Variants in VCAN observed in about 807,000 individuals in gnomAD.
VCAN encodes versican core protein.
In VCAN, 44 loss-of-function variants were observed where a neutral mutation model predicts 245.5. The observed-to-expected ratio is 0.18, with a 90% CI of 0.14 to 0.23. The LOEUF is 0.23. Among genes scored for constraint, VCAN ranks in the 10% least tolerant of loss-of-function variants. The probability of loss-of-function intolerance (pLI) is 1.00; values close to 1 mark genes in which losing one functional copy is unlikely to be tolerated. For synonymous variants in VCAN, 1,413 were observed against 1,437.0 expected, an observed-to-expected ratio of 0.98 and a Z score of 0.38; for missense variants, 3,793 against 4,057.9, an observed-to-expected ratio of 0.93 and a Z score of 1.77.
At chr5:83,577,459 C>T (rs1231789654) in intron 13 of VCAN, among the ~76,000 whole-genome samples, 1 of 152,122 alleles carries the variant, frequency 6.6e-6, no homozygotes, top group Non-Finnish European at 1.5e-5. Context: ...AGGAGTTGCC[C>T]TCCCTTCTGA....
At chr5:83,490,011 A>C (rs887327667) in intron 2 of VCAN, 87 bp from the exon 3 acceptor site, 1 of 1,449,652 alleles carries the variant, frequency 6.9e-7, no homozygotes, top group Non-Finnish European at 9.6e-7. Context: ...CCAAACTATT[A>C]TAAAGGCTGC....
At chr5:83,496,270 C>T (rs1371774107) in intron 5 of VCAN, among the ~76,000 whole-genome samples, 2 of 152,204 alleles carry the variant, frequency 1.3e-5, no homozygotes, top group Non-Finnish European at 2.9e-5. Context: ...TAGACGTCCT[C>T]TCCCACTTCC....
In VCAN at chr5:83,541,129, T is replaced by C; in HGVS notation, c.8126T>C (p.Ile2709Thr). 6.2e-7 allele frequency: 1 copy of C among 1,614,084 alleles called. No homozygotes were observed. The highest frequency in any genetic ancestry group is 1.1e-5 in the South Asian group (1 of 91,088). Residue 2709 changes from isoleucine (I) to threonine (T), a missense_variant, in exon 8 of 15, where the codon ATA becomes ACA. By Grantham distance (89) the Ile-to-Thr change is moderately conservative. Around this residue, in one of 5 missense-constraint regions of VCAN, gnomAD observed 3,182 missense variants for 3,250.3 expected, o/e 0.98. Coordinates refer to ENST00000265077, the MANE Select transcript of VCAN (RefSeq NM_004385.5). ...ACAGTTATTCCAGAGATTGAAGGAATAAAAGCTGAAGCAAAAGCCCTGGAT... is the reference window on the plus strand; with the variant it reads ...ACAGTTATTCCAGAGATTGAAGGAACAAAAGCTGAAGCAAAAGCCCTGGAT... ...SATVIPEIEG[I>T]KAEAKALDDM...
At chr5:83,553,158 C>T (rs375780298) in intron 10 of VCAN, among the ~76,000 whole-genome samples, 53 of 152,254 alleles carry the variant, frequency 3.5e-4, no homozygotes, top group Middle Eastern at 3.4e-3. Context: ...CTTTGCAATC[C>T]AAAGATATAT....
At position 83,538,506 on chromosome 5, in the gene VCAN, C is replaced by G. The variant is rs763164160; in HGVS notation, c.5503C>G (p.Gln1835Glu). The G allele has an allele frequency of 1.2e-6, 2 of 1,613,966 alleles. No individual in the cohort carries two copies. Among genetic ancestry groups the G allele is most frequent in the Non-Finnish European group, 1.7e-6 (2 of 1,179,942 alleles). The change falls in exon 8 of 15, where the codon CAG becomes GAG. Residue 1835 changes from glutamine to glutamate, a missense_variant. Around this residue, in one of 5 missense-constraint regions of VCAN, gnomAD observed 3,182 missense variants for 3,250.3 expected, o/e 0.98. Transcript: ENST00000265077. Reference sequence around the variant, plus strand: ...TAGTCCTGCCTCTGTCTTTATGGAGCAGGGCTCTGGAGAAGCTGCTGCCGA... The same window carrying G: ...TAGTCCTGCCTCTGTCTTTATGGAGGAGGGCTCTGGAGAAGCTGCTGCCGA... Reference protein sequence around the residue: ...PRSPASVFMEQGSGEAAADPE... With the variant: ...PRSPASVFMEEGSGEAAADPE...
chr5:83,557,919 A>T (rs1353099443), intron 12 of VCAN, among the ~76,000 whole-genome samples: 2 of 152,162 alleles, frequency 1.3e-5, no homozygotes, highest in Non-Finnish European at 2.9e-5. Context: ...TTTATCAAAG[A>T]AATGACACAA....
Position 83,553,446 on chromosome 5 carries a change from A to G in VCAN, c.9576A>G (p.Ala3192=). Residue 3192 remains alanine (A), a synonymous_variant, in exon 11 of 15, where the codon GCA becomes GCG. Transcript: ENST00000265077. ...TTGCCCATCGACGCACATGGGATGC[A>G]GCTGAACGGGAATGCCGTCTGCAGG... ...KYFAHRRTWD[A]AERECRLQGA... 1 of 1,614,138 alleles carries G rather than the reference A, an allele frequency of 6.2e-7. No homozygotes were observed. The highest frequency in any genetic ancestry group is 1.3e-5 in the African/African-American group (1 of 75,048).
chr5:83,542,217 C>T lies in VCAN; in HGVS notation c.9214C>T (p.Leu3072=), dbSNP rs779063182. The T allele has an allele frequency of 1.1e-5, 17 of 1,613,910 alleles. No individual in the cohort carries two copies. The Admixed American group carries it at 1.5e-4, about 14-fold the overall frequency. Residue 3072 remains leucine, a synonymous_variant, in exon 8 of 15, where the codon CTG becomes TTG. Transcript: ENST00000265077. ...GGAGACTTCTAATGAAACAGATTTC[C>T]TGATTGGCATTAATGAAGAGTCAGT... The part of the protein sequence containing the change: ...LLETSNETDF[L]IGINEESVEG...
chr5:83,490,288 A>C lies in VCAN; in HGVS notation c.261A>C (p.Gln87His), dbSNP rs1200887405. ...AAGAGACTACTGTCCTTGTGGCCCAAAATGGAAATATCAAGATTGGTCAGG... is the reference window on the plus strand; with the variant it reads ...AAGAGACTACTGTCCTTGTGGCCCACAATGGAAATATCAAGATTGGTCAGG... ...DLKETTVLVA[Q>H]NGNIKIGQDY... Residue 87 changes from glutamine to histidine, a missense_variant, in exon 3 of 15, where the codon CAA becomes CAC. Transcript: ENST00000265077. 1.9e-6 allele frequency: 3 copies of C among 1,614,208 alleles called. No individual in the cohort carries two copies. The Admixed American group carries it at 5.0e-5, about 27-fold the overall frequency.
intron 7 of VCAN, among the ~76,000 whole-genome samples, chr5:83,531,828 A>T (rs560002961): frequency 6.6e-6 from 1 of 151,956 alleles, no homozygotes; most frequent in Non-Finnish European, 1.5e-5. Flanking sequence ...GTCAGCTAGC[A>T]ATAAAGCTTT....
chr5:83,556,605 C>T (rs1747675411), intron 12 of VCAN, among the ~76,000 whole-genome samples: 1 of 152,092 alleles, frequency 6.6e-6, no homozygotes. Flanking sequence ...AATAATTGTC[C>T]TGGCTGGATG....
chr5:83,535,656 A>G (rs926575871), intron 7 of VCAN: 5 of 152,120 alleles, frequency 3.3e-5, no homozygotes, highest in African/African-American at 1.2e-4. Context: ...TTCTATACAT[A>G]GAAGGAAATA....
At position 83,531,070 on chromosome 5, in the gene VCAN, T is replaced by TC. The variant is rs1561250727; in HGVS notation, c.4004-5937_4004-5936insC. ...AATAAATTCTGGTGGACCTTCTAAG[T>TC]AACTGCTAGAATGATTGGGTAATGT... is the stretch of plus-strand genomic sequence containing the variant. On this transcript the variant is annotated intron_variant, in intron 7 of 14. Transcript: ENST00000265077. Among the ~76,000 whole-genome samples, 5 of 152,258 alleles carry TC rather than the reference T, an allele frequency of 3.3e-5. No individual in the cohort carries two copies. The South Asian group carries it at 8.3e-4, about 25-fold the overall frequency.
At chr5:83,570,245 A>C (rs1406468470) in intron 12 of VCAN, among the ~76,000 whole-genome samples, 2 of 151,896 alleles carry the variant, frequency 1.3e-5, no homozygotes, top group Non-Finnish European at 2.9e-5. Flanking sequence ...TCCCCCGAGA[A>C]ATAAAACCAC....
At chr5:83,506,585 A>G (rs1384220047) in intron 5 of VCAN, among the ~76,000 whole-genome samples, 19 of 151,864 alleles carry the variant, frequency 1.3e-4, no homozygotes, top group Admixed American at 1.2e-3. Context: ...ACTTTCCCAC[A>G]TTTTCCTCTC....
intron 7 of VCAN, chr5:83,531,380 T>C (rs750310044): frequency 6.6e-6 from 1 of 152,136 alleles, no homozygotes; most frequent in Non-Finnish European, 1.5e-5. Flanking sequence ...TTTGGCCATA[T>C]GCTTCACATA....
In VCAN at chr5:83,537,782, A is replaced by G. The variant is rs1185511863; in HGVS notation, c.4779A>G (p.Ala1593=). ...TPTIVPSSAS[A]YVSEEEAVTL... ...CTATAGTTCCAAGTTCTGCATCAGC[A>G]TATGTTTCAGAGGAAGAAGCAGTTA... Residue 1593 remains alanine, a synonymous_variant, in exon 8 of 15, where the codon GCA becomes GCG. Transcript: ENST00000265077. 2 of 1,613,938 alleles carry G rather than the reference A, an allele frequency of 1.2e-6. No individual in the cohort carries two copies. The highest frequency in any genetic ancestry group is 1.1e-5 in the South Asian group (1 of 91,090).
chr5:83,485,583 T>C (rs1744766089), intron 2 of VCAN, among the ~76,000 whole-genome samples: 1 of 152,102 alleles, frequency 6.6e-6, no homozygotes, highest in South Asian at 2.1e-4. Context: ...GAGGTTATTG[T>C]AGTAGCCTGT....
chr5:83,489,426 C>T (rs989986492), intron 2 of VCAN, among the ~76,000 whole-genome samples: 12 of 152,238 alleles, frequency 7.9e-5, no homozygotes, highest in East Asian at 5.8e-4. Context: ...TATTTTAGGA[C>T]GGTTAGGTGA....
Sources: allele counts gnomAD v4.1 joint callset (sites outside exome capture counted in the v4.1 genomes callset), GRCh38; gene constraint gnomAD v4.1.1; regional missense constraint gnomAD v4.1.1; transcripts MANE v1.5; gene names NCBI Gene and HGNC (gene_info 2026-07-23, HGNC 2026-07-21).